ANXA11: variants seen among roughly 807,000 people sequenced by gnomAD.
ANXA11 encodes the protein 56 kDa autoantigen.
ANXA11 carries 57 observed loss-of-function variants against 64.7 expected under a neutral mutation model. The ratio of observed to expected loss-of-function variants is 0.88; its 90% CI spans 0.71 to 1.10. ANXA11 has a LOEUF of 1.10. Ranked by LOEUF, ANXA11 falls within the 50% of genes least tolerant of loss-of-function variation. The probability of loss-of-function intolerance (pLI) is 0.00; values close to 1 mark genes in which losing one functional copy is unlikely to be tolerated. For missense variants in ANXA11, 675 were observed against 670.7 expected, an observed-to-expected ratio of 1.01 and a Z score of -0.07; for synonymous variants, 260 against 265.2, an observed-to-expected ratio of 0.98 and a Z score of 0.19.
At chr10:80,169,461 G>A (rs1452861691) in intron 4 of ANXA11, 103 bp from the exon 5 acceptor site, 9 of 1,351,010 alleles carry the variant, frequency 6.7e-6, no homozygotes, top group East Asian at 4.8e-5. Flanking sequence ...CAGCATCTCC[G>A]CTTGTGGAAT....
chr10:80,190,695 C>T (rs1846736449), intron 1 of ANXA11, among the ~76,000 whole-genome samples: 1 of 150,800 alleles, frequency 6.6e-6, no homozygotes, highest in Non-Finnish European at 1.5e-5. Flanking sequence ...CCATGTCAGC[C>T]AAGATGGTCT....
intron 1 of ANXA11, among the ~76,000 whole-genome samples, chr10:80,191,216 CCT>C (rs893889784): frequency 1.3e-5 from 2 of 151,910 alleles, no homozygotes; most frequent in African/African-American, 4.8e-5. Flanking sequence ...AAAGAGCAAA[CCT>C]CTGTCTCAAA....
intron 12 of ANXA11, 26 bp from the exon 13 acceptor site, chr10:80,159,221 T>A (rs1845410163): frequency 6.3e-7 from 1 of 1,589,186 alleles, no homozygotes; most frequent in Non-Finnish European, 8.6e-7. Context: ...AGGCTTATAT[T>A]ATGAACTGAA....
Position 80,157,706 on chromosome 10 carries a change from C to T in ANXA11, c.1393G>A (p.Asp465Asn), listed in dbSNP as rs142956872. ...TACTCTGATCTGATGTCCAGGAGGT[C>T]GGTCTCGCTGCGAGACACCATGATG... Reference protein sequence around the residue: ...IRIMVSRSETDLLDIRSEYKR... With the variant: ...IRIMVSRSETNLLDIRSEYKR... Residue 465 changes from aspartate to asparagine, a missense_variant, in exon 15 of 16, where the codon GAC becomes AAC. Physicochemically the swap from Asp to Asn is conservative, Grantham distance 23. Coordinates refer to ENST00000422982, the MANE Select transcript of ANXA11 (RefSeq NM_145868.2). 5 of 1,613,856 alleles carry T rather than the reference C, an allele frequency of 3.1e-6. No individual in the cohort carries two copies. The highest frequency in any genetic ancestry group is 1.3e-5 in the African/African-American group (1 of 74,872).
intron 4 of ANXA11, among the ~76,000 whole-genome samples, chr10:80,170,257 A>AT (rs1311053493): frequency 6.6e-6 from 1 of 152,154 alleles, no homozygotes; most frequent in East Asian, 1.9e-4. Context: ...TAGGGTGTGT[A>AT]TTGGTTGCAT....
intron 15 of ANXA11, chr10:80,157,227 G>C: frequency 1.0e-6 from 1 of 985,396 alleles, no homozygotes; most frequent in Non-Finnish European, 1.2e-6. Context: ...CAGGGCCCTC[G>C]CTCTGAACGG....
At chr10:80,168,012 T>TGG (rs1305864152) in intron 5 of ANXA11, among the ~76,000 whole-genome samples, 3 of 151,774 alleles carry the variant, frequency 2.0e-5, no homozygotes. Flanking sequence ...TGGCACAGGG[T>TGG]GGGGGAACGT....
intron 1 of ANXA11, among the ~76,000 whole-genome samples, chr10:80,182,657 T>C (rs1204927759): frequency 2.6e-5 from 4 of 152,200 alleles, no homozygotes; most frequent in African/African-American, 7.2e-5. Context: ...GAACCCCGCA[T>C]GCATTAGGTA....
chr10:80,186,533 G>C (rs1846546667), intron 1 of ANXA11, among the ~76,000 whole-genome samples: 1 of 152,212 alleles, frequency 6.6e-6, no homozygotes, highest in Admixed American at 6.5e-5. Context: ...ACTGATGGTG[G>C]AGGGAGGCCA....
chr10:80,172,717 G>T, intron 3 of ANXA11, 90 bp downstream of exon 3: 1 of 1,300,268 alleles, frequency 7.7e-7, no homozygotes, highest in Non-Finnish European at 1.1e-6. Context: ...GGGGAGGAGG[G>T]GAGTGAGGAA....
intron 1 of ANXA11, chr10:80,180,963 T>C (rs1336333391): frequency 6.6e-6 from 1 of 152,222 alleles, no homozygotes; most frequent in African/African-American, 2.4e-5. Context: ...TTCTGCCATG[T>C]TATGAAGCAG....
chr10:80,186,156 T>C lies in ANXA11; in HGVS notation c.-57-10001A>G, dbSNP rs190040325. 3.4e-4 allele frequency among the ~76,000 whole-genome samples: 52 copies of C among 152,284 alleles called. No individual in the cohort carries two copies. The East Asian group carries it at 9.5e-3, about 28-fold the overall frequency. On this transcript the variant is annotated intron_variant, in intron 1 of 15. Transcript: ENST00000422982. ...TTCCCCATCTGTAAAATGGGGATAT[T>C]AACAGTTTAATACCAAGTTTGTTCC...
intron 13 of ANXA11, 31 bp downstream of exon 13, chr10:80,159,069 G>T: frequency 6.4e-7 from 1 of 1,553,260 alleles, no homozygotes; most frequent in Non-Finnish European, 8.9e-7. Context: ...GTTAGCCCCT[G>T]GCAGGTGGGC....
chr10:80,172,858 T>C lies in ANXA11; in HGVS notation c.4A>G (p.Ser2Gly). The stretch of plus-strand genomic sequence containing the variant: ...GGGGGCGGGGGATAGCCAGGGTAGC[T>C]CATGGTTAGATCTGGAAGAGAAGAC... M[S>G]YPGYPPPPGG... The change falls in exon 3 of 16, where the codon AGC (serine) becomes GGC (glycine). Residue 2 changes from serine to glycine, a missense_variant. Coordinates refer to ENST00000422982, the MANE Select transcript of ANXA11 (RefSeq NM_145868.2). 1 of 1,613,796 alleles carries C rather than the reference T, an allele frequency of 6.2e-7. No homozygotes were observed. Among genetic ancestry groups the C allele is most frequent in the Non-Finnish European group, 8.5e-7 (1 of 1,179,856 alleles).
At chr10:80,163,937 G>C (rs747860570) in intron 9 of ANXA11, 116 bp downstream of exon 9, 26 of 854,852 alleles carry the variant, frequency 3.0e-5, no homozygotes, top group Non-Finnish European at 4.4e-5. Flanking sequence ...GCAGAAGATG[G>C]GTTGATAAGA....
chr10:80,180,965 A>G (rs1428412273), intron 1 of ANXA11: 1 of 152,236 alleles, frequency 6.6e-6, no homozygotes, highest in Non-Finnish European at 1.5e-5. Context: ...CTGCCATGTT[A>G]TGAAGCAGCA....
At chr10:80,168,207 C>T (rs1331607861) in intron 5 of ANXA11, among the ~76,000 whole-genome samples, 3 of 98,420 alleles carry the variant, frequency 3.0e-5, no homozygotes, top group Non-Finnish European at 7.7e-5. Flanking sequence ...CAACATTCTC[C>T]CTACCCAAAG....
intron 13 of ANXA11, 69 bp downstream of exon 13, chr10:80,159,031 G>A (rs935497806): frequency 2.8e-5 from 34 of 1,205,882 alleles, no homozygotes; most frequent in Non-Finnish European, 3.9e-5. Context: ...TGGAGGACAG[G>A]CGAGCAGCCT....
chr10:80,154,620 G>C lies in ANXA11; in HGVS notation c.*1233C>G, dbSNP rs1471457757. 6.6e-6 allele frequency: 1 copy of C among 152,242 alleles called. No individual in the cohort carries two copies. The highest frequency in any genetic ancestry group is 2.4e-5 in the African/African-American group (1 of 41,450). The allele number at this position is 152,242 out of a possible 1,614,324, so 9.4% of individuals were successfully genotyped here. On this transcript the variant is annotated 3_prime_UTR_variant, in exon 16 of 16. Transcript: ENST00000422982. ...AAGGTAAGCTCTAGCTTCTGGACAT[G>C]ACACCATAATTCTCAGAAACTCTCT...
Sources: gnomAD v4.1 joint callset for allele counts (sites outside exome capture counted in the v4.1 genomes callset) on GRCh38, gnomAD v4.1.1 for gene constraint, MANE v1.5 for transcripts, NCBI Gene and HGNC (gene_info 2026-07-23, HGNC 2026-07-21) for gene names.